The following SLC16A7 variants were observed in gnomAD, a reference collection of about 807,000 sequenced individuals.
SLC16A7 encodes the protein monocarboxylate transporter 2.
In SLC16A7, 33 loss-of-function variants were observed where a neutral mutation model predicts 34.9. The ratio of observed to expected loss-of-function variants is 0.94; its 90% CI spans 0.72 to 1.26. The LOEUF (loss-of-function observed/expected upper bound fraction) is 1.26, where lower values mean the gene tolerates loss of function less well. SLC16A7 is among the 50% of genes most tolerant of loss of function. SLC16A7 has a pLI of 0.00. For synonymous variants in SLC16A7, 201 were observed against 206.6 expected (o/e 0.97, Z 0.23); for missense variants, 573 against 578.1 (o/e 0.99, Z 0.09).
At chr12:59,733,194 G>A (rs1877158809) in intron 3 of SLC16A7, among the ~76,000 whole-genome samples, 1 of 152,198 alleles carries the variant, frequency 6.6e-6, no homozygotes, top group South Asian at 2.1e-4. Context: ...CTTTGTCCAA[G>A]TTTTGTTCAA....
intron 3 of SLC16A7, among the ~76,000 whole-genome samples, chr12:59,751,441 A>G (rs899150221): frequency 3.3e-5 from 5 of 152,380 alleles, no homozygotes; most frequent in African/African-American, 1.2e-4. Context: ...ACGGTGCACC[A>G]GGAGATTATA....
chr12:59,712,996 C>T (rs966782181), intron 3 of SLC16A7, among the ~76,000 whole-genome samples: 1 of 151,298 alleles, frequency 6.6e-6, no homozygotes, highest in African/African-American at 2.4e-5. Flanking sequence ...TGGATGTTTT[C>T]TTTTCTTTTC....
chr12:59,662,563 G>A (rs1016431491), intron 2 of SLC16A7, among the ~76,000 whole-genome samples: 5 of 152,076 alleles, frequency 3.3e-5, no homozygotes, highest in African/African-American at 1.2e-4. Flanking sequence ...AGGGCTCCTG[G>A]TGAACAGGTC....
intron 5 of SLC16A7, among the ~76,000 whole-genome samples, chr12:59,775,690 A>C (rs935493384): frequency 6.6e-6 from 1 of 152,192 alleles, no homozygotes; most frequent in Non-Finnish European, 1.5e-5. Flanking sequence ...CTGTGAACTT[A>C]AGAACTTATG....
chr12:59,699,483 T>C (rs1240007047), intron 2 of SLC16A7, among the ~76,000 whole-genome samples: 1 of 151,764 alleles, frequency 6.6e-6, no homozygotes, highest in East Asian at 1.9e-4. Flanking sequence ...TCTTATGCAC[T>C]GCTGGTTTCA....
intron 3 of SLC16A7, among the ~76,000 whole-genome samples, chr12:59,714,628 G>A (rs541476809): frequency 1.6e-4 from 25 of 151,524 alleles, no homozygotes; most frequent in East Asian, 1.6e-3. Context: ...GCAGTGGCAC[G>A]ATCTAGGCTC....
intron 2 of SLC16A7, among the ~76,000 whole-genome samples, chr12:59,695,284 T>A (rs1407698704): frequency 1.3e-5 from 2 of 151,944 alleles, no homozygotes; most frequent in Non-Finnish European, 2.9e-5. Context: ...CCTCAAAATA[T>A]AAAGGTTTTC....
At chr12:59,601,102 A>C (rs1878661797) in intron 1 of SLC16A7, among the ~76,000 whole-genome samples, 1 of 152,218 alleles carries the variant, frequency 6.6e-6, no homozygotes, top group Non-Finnish European at 1.5e-5. Flanking sequence ...ACACAAATGA[A>C]ATATTTGTTT....
At chr12:59,603,583 T>C (rs1163772803) in intron 1 of SLC16A7, among the ~76,000 whole-genome samples, 2 of 152,200 alleles carry the variant, frequency 1.3e-5, no homozygotes, top group Admixed American at 6.5e-5. Context: ...GGTAGAATAA[T>C]TTTTCTAAAA....
chr12:59,748,140 G>A (rs2137311878), intron 3 of SLC16A7, among the ~76,000 whole-genome samples: 1 of 152,216 alleles, frequency 6.6e-6, no homozygotes, highest in African/African-American at 2.4e-5. Context: ...CGAGGGATTG[G>A]TAGAAGTGGA....
intron 3 of SLC16A7, chr12:59,763,916 C>T (rs941934237): frequency 2.0e-5 from 3 of 152,138 alleles, no homozygotes; most frequent in African/African-American, 7.2e-5. Flanking sequence ...ATCACTACTC[C>T]ATAGACCAGC....
intron 1 of SLC16A7, among the ~76,000 whole-genome samples, chr12:59,648,834 A>G (rs763298200): frequency 4.6e-5 from 7 of 152,170 alleles, no homozygotes; most frequent in Non-Finnish European, 8.8e-5. Context: ...GGTTTTCTGA[A>G]ATGAGAGTTG....
chr12:59,732,742 G>A (rs181474462), intron 3 of SLC16A7, among the ~76,000 whole-genome samples: 46 of 152,184 alleles, frequency 3.0e-4, no homozygotes, highest in Middle Eastern at 6.8e-3. Flanking sequence ...CCTTTCATGC[G>A]TAGTTATTCA....
chr12:59,709,543 G>A lies in SLC16A7; in HGVS notation c.217+4525G>A, dbSNP rs141254172. The stretch of plus-strand genomic sequence containing the variant: ...CCTAATATTTTGCAGAATGAGGGAG[G>A]CTATTAAAATAATTCATGCTGTGCA... On this transcript the variant is annotated intron_variant, in intron 3 of 5. Transcript: ENST00000547379. 3.6e-4 allele frequency among the ~76,000 whole-genome samples: 55 copies of A among 151,476 alleles called. 3 individuals are homozygous for A. Among genetic ancestry groups the A allele is most frequent in the African/African-American group, 1.1e-3 (46 of 40,904 alleles).
chr12:59,763,887 GT>G (rs1179130920), intron 3 of SLC16A7: 1 of 152,116 alleles, frequency 6.6e-6, no homozygotes, highest in Non-Finnish European at 1.5e-5. Context: ...AAGAGGGTAA[GT>G]TTAATGTTGT....
At chr12:59,682,299 T>A (rs1870803445) in intron 2 of SLC16A7, among the ~76,000 whole-genome samples, 1 of 152,170 alleles carries the variant, frequency 6.6e-6, no homozygotes, top group East Asian at 1.9e-4. Context: ...GTTTATATAA[T>A]TAAACATACA....
At chr12:59,658,545 A>G (rs906951691) in intron 2 of SLC16A7, among the ~76,000 whole-genome samples, 1 of 152,062 alleles carries the variant, frequency 6.6e-6, no homozygotes, top group Non-Finnish European at 1.5e-5. Flanking sequence ...TTTCAAGTGA[A>G]TTATGTACCA....
At chr12:59,735,930 GA>G (rs1175932279) in intron 3 of SLC16A7, 19 of 1,251,486 alleles carry the variant, frequency 1.5e-5, no homozygotes, top group South Asian at 4.0e-5. Flanking sequence ...ACTTTGATAG[GA>G]AAAAAGGAGA....
intron 3 of SLC16A7, among the ~76,000 whole-genome samples, chr12:59,716,667 G>A (rs1355737187): frequency 6.6e-6 from 1 of 152,048 alleles, no homozygotes; most frequent in Non-Finnish European, 1.5e-5. Flanking sequence ...GGACAACATG[G>A]TGAAACCCTG....
Sources: gnomAD v4.1 joint callset for allele counts (sites outside exome capture counted in the v4.1 genomes callset) on GRCh38, gnomAD v4.1.1 for gene constraint, MANE v1.5 for transcripts, NCBI Gene and HGNC (gene_info 2026-07-23, HGNC 2026-07-21) for gene names.